CEP350: variants seen among roughly 807,000 people sequenced by gnomAD.
CEP350 encodes centrosomal protein 350.
Under a neutral mutation model 331.8 loss-of-function variants are expected in CEP350, and 126 were observed. The observed-to-expected ratio is 0.38, with a 90% CI of 0.33 to 0.44. The LOEUF (loss-of-function observed/expected upper bound fraction) is 0.44, where lower values mean the gene tolerates loss of function less well. Among genes scored for constraint, CEP350 ranks in the 20% least tolerant of loss-of-function variants. The pLI is 1.00. For missense variants in CEP350, 3,406 were observed against 3,634.6 expected, an observed-to-expected ratio of 0.94 and a Z score of 1.62; for synonymous variants, 1,200 against 1,259.5, an observed-to-expected ratio of 0.95 and a Z score of 1.00.
intron 25 of CEP350, among the ~76,000 whole-genome samples, chr1:180,060,195 C>G (rs1658106393): frequency 1.3e-5 from 2 of 152,126 alleles, no homozygotes; most frequent in Non-Finnish European, 2.9e-5. Flanking sequence ...CTCAGAGTCC[C>G]CTAACAGGGT....
At chr1:180,034,593 CAA>C (rs1297671731) in intron 16 of CEP350, among the ~76,000 whole-genome samples, 1 of 151,826 alleles carries the variant, frequency 6.6e-6, no homozygotes, top group African/African-American at 2.4e-5. Context: ...ATAAATCTCT[CAA>C]TATTTCAGGC....
At chr1:180,080,929 G>A (rs551259435) in intron 30 of CEP350, among the ~76,000 whole-genome samples, 247 of 152,156 alleles carry the variant, frequency 1.6e-3, no homozygotes, top group African/African-American at 5.4e-3. Flanking sequence ...GTGCGATCTT[G>A]TCTCACTGCA....
At chr1:180,071,549 G>A (rs1301777952) in intron 27 of CEP350, among the ~76,000 whole-genome samples, 1 of 151,768 alleles carries the variant, frequency 6.6e-6, no homozygotes. Context: ...GGCCAAGGCA[G>A]ATGGATCACC....
At chr1:180,089,041 G>A (rs1311412474) in intron 32 of CEP350, among the ~76,000 whole-genome samples, 3 of 152,006 alleles carry the variant, frequency 2.0e-5, no homozygotes, top group Non-Finnish European at 2.9e-5. Flanking sequence ...ATTATGAAGT[G>A]TACATTTTAA....
intron 37 of CEP350, among the ~76,000 whole-genome samples, chr1:180,099,522 G>C (rs1226362488): frequency 2.0e-5 from 3 of 151,696 alleles, no homozygotes; most frequent in Non-Finnish European, 4.4e-5. Flanking sequence ...GATTTATTTG[G>C]TTTTGCAATA....
chr1:180,023,283 A>G (rs944864115), intron 13 of CEP350, among the ~76,000 whole-genome samples: 2 of 130,038 alleles, frequency 1.5e-5, no homozygotes, highest in African/African-American at 3.4e-5. Flanking sequence ...AAAAAGAAAG[A>G]AAAAAAAATC....
At chr1:179,977,148 C>T (rs183136395) in intron 1 of CEP350, among the ~76,000 whole-genome samples, 1 of 152,096 alleles carries the variant, frequency 6.6e-6, no homozygotes, top group Admixed American at 6.5e-5. Context: ...TAGGCCTTAT[C>T]CAGTCAGCTA....
rs755552361 is a variant in CEP350, at chr1:180,048,709, A to G, written c.4792+4A>G. 3 of 1,602,630 alleles carry G rather than the reference A, an allele frequency of 1.9e-6. No individual in the cohort carries two copies. The highest frequency in any genetic ancestry group is 3.4e-5 in the Admixed American group (2 of 58,212). On this transcript the variant is annotated splice_donor_region_variant and intron_variant, in intron 22 of 37. Transcript: ENST00000367607. Reference sequence around the variant, plus strand: ...CCATCTCTTCCTGATGAAAAAGGTAACTTTCTTTGCAAATAAATGTGTAAT... The same window carrying G: ...CCATCTCTTCCTGATGAAAAAGGTAGCTTTCTTTGCAAATAAATGTGTAAT...
chr1:179,992,368 C>T (rs893017638), intron 5 of CEP350, 147 bp downstream of exon 5: 1 of 590,802 alleles, frequency 1.7e-6, no homozygotes, highest in Non-Finnish European at 2.5e-6. Context: ...TCATTCTCCA[C>T]AAAAGATGGC....
At chr1:180,061,222 G>A (rs1262074519) in intron 25 of CEP350, among the ~76,000 whole-genome samples, 1 of 148,582 alleles carries the variant, frequency 6.7e-6, no homozygotes, top group African/African-American at 2.5e-5. Context: ...TTGAGACAGG[G>A]TCTCACTCTG....
At position 180,113,002 on chromosome 1, in the gene CEP350, T is replaced by C. The variant is rs1661532970; in HGVS notation, c.*1841T>C. The stretch of plus-strand genomic sequence containing the variant: ...AGATTGATGTCTTACCAGCATTTCT[T>C]CTGGGCTTGTGATGTTGAGCTGTAG... On this transcript the variant is annotated 3_prime_UTR_variant, in exon 38 of 38. Transcript: ENST00000367607. The C allele has an allele frequency of 6.5e-6, 1 of 152,676 alleles. No homozygotes were observed. The highest frequency in any genetic ancestry group is 1.5e-5 in the Non-Finnish European group (1 of 68,046). The allele number at this position is 152,676 out of a possible 1,614,324, so 9.5% of individuals were successfully genotyped here.
intron 1 of CEP350, among the ~76,000 whole-genome samples, chr1:179,955,395 C>G (rs1650095456): frequency 6.6e-6 from 1 of 152,212 alleles, no homozygotes. Context: ...CCCGCCTCCT[C>G]CACCCCTCCT....
chr1:180,000,926 G>A (rs1653825310), intron 6 of CEP350: 1 of 152,176 alleles, frequency 6.6e-6, no homozygotes, highest in South Asian at 2.1e-4. Context: ...AGATATAGAT[G>A]TAATGGTGTG....
chr1:180,015,613 C>T (rs1410036359), intron 10 of CEP350, among the ~76,000 whole-genome samples: 1 of 152,134 alleles, frequency 6.6e-6, no homozygotes, highest in Admixed American at 6.5e-5. Flanking sequence ...TCAAGTGATC[C>T]TCCCACTTTG....
intron 25 of CEP350, among the ~76,000 whole-genome samples, chr1:180,057,852 C>T (rs879515614): frequency 3.3e-5 from 5 of 152,194 alleles, no homozygotes; most frequent in Admixed American, 2.6e-4. Context: ...ACTTTTTACT[C>T]AGCACAAGAG....
rs552297129 is a variant in CEP350, at chr1:180,067,454, C to T, written c.5567+2182C>T. Among the ~76,000 whole-genome samples, 261 of 152,130 alleles carry T rather than the reference C, an allele frequency of 1.7e-3. 2 individuals are homozygous for T. The highest frequency in any genetic ancestry group is 5.7e-3 in the African/African-American group (238 of 41,504). ...CTGTAATCCCAGCATTTTGGGAGGC[C>T]GAGGCAGGCAGATCACCTGTGGTCA... On this transcript the variant is annotated intron_variant, in intron 27 of 37. Coordinates refer to ENST00000367607, the MANE Select transcript of CEP350 (RefSeq NM_014810.5).
At chr1:180,034,338 C>T (rs1656208325) in intron 16 of CEP350, among the ~76,000 whole-genome samples, 1 of 152,132 alleles carries the variant, frequency 6.6e-6, no homozygotes, top group African/African-American at 2.4e-5. Flanking sequence ...ATGTGCACTC[C>T]TGTTTATATG....
intron 7 of CEP350, among the ~76,000 whole-genome samples, chr1:180,003,717 C>G (rs1193978772): frequency 6.6e-6 from 1 of 152,104 alleles, no homozygotes; most frequent in African/African-American, 2.4e-5. Flanking sequence ...GAATTAGAAA[C>G]AGGAGGAACC....
chr1:179,961,857 C>G (rs1650650237), intron 1 of CEP350, among the ~76,000 whole-genome samples: 1 of 151,946 alleles, frequency 6.6e-6, no homozygotes, highest in African/African-American at 2.4e-5. Context: ...TCACTTCCCA[C>G]CTTTTTTTTT....
Sources: allele counts gnomAD v4.1 joint callset (sites outside exome capture counted in the v4.1 genomes callset), GRCh38; gene constraint gnomAD v4.1.1; transcripts MANE v1.5; gene names NCBI Gene and HGNC (gene_info 2026-07-23, HGNC 2026-07-21).